Variants in CSMD1 observed in about 807,000 individuals in gnomAD.
The protein encoded by CSMD1 is CUB and Sushi multiple domains 1, also known as CUB and sushi domain-containing protein 1.
Under a neutral mutation model 417.5 loss-of-function variants are expected in CSMD1, and 213 were observed. The observed-to-expected ratio is 0.51, with a 90% CI of 0.46 to 0.57. The LOEUF is 0.57. Ranked by LOEUF, CSMD1 falls within the 20% of genes least tolerant of loss-of-function variation. The pLI is 0.00. For missense variants in CSMD1, 6,923 were observed against 4,529.7 expected (o/e 1.53, Z -15.17); for synonymous variants, 2,862 against 1,736.8 (o/e 1.65, Z -16.11).
At chr8:4,508,612 G>A (rs1265450722) in intron 2 of CSMD1, among the ~76,000 whole-genome samples, 2 of 152,070 alleles carry the variant, frequency 1.3e-5, no homozygotes, top group African/African-American at 4.8e-5. Context: ...AAATGAGTCA[G>A]GAGATTGGAA....
At chr8:3,714,650 T>G (rs147789686) in intron 6 of CSMD1, among the ~76,000 whole-genome samples, 3 of 150,674 alleles carry the variant, frequency 2.0e-5, no homozygotes, top group Admixed American at 2.0e-4. Flanking sequence ...GGAACTAGAA[T>G]TGCTTGAACC....
intron 1 of CSMD1, among the ~76,000 whole-genome samples, chr8:4,639,205 C>T (rs1439773763): frequency 6.6e-6 from 1 of 151,762 alleles, no homozygotes; most frequent in African/African-American, 2.4e-5. Flanking sequence ...TTACTTCCCA[C>T]ATACAAGCTC....
At chr8:4,664,527 T>A (rs747188859) in intron 1 of CSMD1, among the ~76,000 whole-genome samples, 1 of 152,072 alleles carries the variant, frequency 6.6e-6, no homozygotes, top group Non-Finnish European at 1.5e-5. Context: ...TACCACTGCA[T>A]TCCACCCTCG....
chr8:4,159,067 C>T (rs143910172), intron 3 of CSMD1, among the ~76,000 whole-genome samples: 1 of 152,206 alleles, frequency 6.6e-6, no homozygotes, highest in African/African-American at 2.4e-5. Flanking sequence ...AGGCTTGCAC[C>T]ACCAGGCCCA....
chr8:2,970,805 AT>A (rs899951136), intron 57 of CSMD1, among the ~76,000 whole-genome samples: 1 of 152,196 alleles, frequency 6.6e-6, no homozygotes, highest in African/African-American at 2.4e-5. Flanking sequence ...GTTAAATGGG[AT>A]TTGACAGAAA....
intron 3 of CSMD1, among the ~76,000 whole-genome samples, chr8:4,038,136 G>C (rs1465231032): frequency 6.6e-6 from 1 of 152,092 alleles, no homozygotes; most frequent in Admixed American, 6.5e-5. Flanking sequence ...TAAAGTCACT[G>C]ATTGGTGACA....
intron 1 of CSMD1, among the ~76,000 whole-genome samples, chr8:4,764,872 C>CAAAAAAAAAAAA (rs1194894751): frequency 2.0e-5 from 1 of 50,936 alleles, no homozygotes. Context: ...GACTCCATCT[C>CAAAAAAAAAAAA]AAAAAAAAAA....
intron 1 of CSMD1, among the ~76,000 whole-genome samples, chr8:4,750,092 G>A (rs1026561911): frequency 2.0e-5 from 3 of 152,034 alleles, no homozygotes; most frequent in African/African-American, 4.8e-5. Flanking sequence ...CGCAAGCTCC[G>A]CCTCCCGGGT....
At chr8:3,831,552 A>G (rs1802377728) in intron 5 of CSMD1, among the ~76,000 whole-genome samples, 2 of 152,162 alleles carry the variant, frequency 1.3e-5, no homozygotes. Context: ...TTGTTTTCAT[A>G]TGCCTCTGTG....
At position 3,814,163 on chromosome 8, in the gene CSMD1, G is replaced by A. The variant is rs377681590; in HGVS notation, c.819-60121C>T. 5.3e-5 allele frequency among the ~76,000 whole-genome samples: 8 copies of A among 152,300 alleles called. No homozygotes were observed. The East Asian group carries it at 5.8e-4, about 11-fold the overall frequency. On this transcript the variant is annotated intron_variant, in intron 5 of 69. Transcript: ENST00000635120. ...AGCCCCAGATTCTGGTACCCCCAGC[G>A]TGGAAGTCAAGATGCAAACTGCAAG...
chr8:4,353,491 T>G lies in CSMD1; in HGVS notation c.415+66462A>C, dbSNP rs34317801. Among the ~76,000 whole-genome samples the G allele has an allele frequency of 4.6e-5, 7 of 151,906 alleles. No individual in the cohort carries two copies. In the South Asian group the frequency reaches 1.0e-3, roughly 23 times the overall value. ...AGAATAATACATTCTTTAATTAAAATTGGTCAAATGAATCCACTGCATATG... is the reference window on the plus strand; with the variant it reads ...AGAATAATACATTCTTTAATTAAAAGTGGTCAAATGAATCCACTGCATATG... On this transcript the variant is annotated intron_variant, in intron 3 of 69. Transcript: ENST00000635120.
At chr8:4,960,008 G>T (rs1350113438) in intron 1 of CSMD1, among the ~76,000 whole-genome samples, 1 of 152,042 alleles carries the variant, frequency 6.6e-6, no homozygotes, top group Admixed American at 6.6e-5. Context: ...TGCTCACTAG[G>T]ATGCAATTTC....
chr8:3,769,997 T>C (rs1374636665), intron 5 of CSMD1, among the ~76,000 whole-genome samples: 2 of 152,210 alleles, frequency 1.3e-5, no homozygotes, highest in Non-Finnish European at 2.9e-5. Flanking sequence ...GTGACCTGCC[T>C]TTTTCTTCCT....
intron 3 of CSMD1, among the ~76,000 whole-genome samples, chr8:4,410,169 G>C (rs912398996): frequency 4.6e-5 from 7 of 152,154 alleles, no homozygotes; most frequent in South Asian, 2.1e-4. Context: ...CAAATGGAAG[G>C]AGAAATTAAA....
At chr8:4,918,313 CAA>C (rs1394131141) in intron 1 of CSMD1, among the ~76,000 whole-genome samples, 13 of 152,182 alleles carry the variant, frequency 8.5e-5, no homozygotes, top group Admixed American at 2.0e-4. Flanking sequence ...TCGAAAATCA[CAA>C]AGTGTATTGC....
intron 14 of CSMD1, among the ~76,000 whole-genome samples, chr8:3,406,956 C>G (rs1812379163): frequency 1.3e-5 from 2 of 152,120 alleles, no homozygotes; most frequent in Admixed American, 6.6e-5. Flanking sequence ...TTTTACTACA[C>G]TACTTTGTTG....
intron 5 of CSMD1, among the ~76,000 whole-genome samples, chr8:3,859,028 G>T (rs1804508789): frequency 2.0e-5 from 3 of 152,126 alleles, no homozygotes; most frequent in Non-Finnish European, 4.4e-5. Flanking sequence ...TTCCCTAAAA[G>T]ACCTTATTAT....
At chr8:4,264,274 A>G (rs1474149146) in intron 3 of CSMD1, among the ~76,000 whole-genome samples, 2 of 152,232 alleles carry the variant, frequency 1.3e-5, no homozygotes, top group African/African-American at 2.4e-5. Flanking sequence ...AAACATTGCT[A>G]TAGTAACACA....
Position 4,173,951 on chromosome 8 carries a change from C to G in CSMD1, c.416-141852G>C, listed in dbSNP as rs75297317. Among the ~76,000 whole-genome samples, 1,045 of 152,070 alleles carry G rather than the reference C, an allele frequency of 6.9e-3. 12 individuals are homozygous for G. Among genetic ancestry groups the G allele is most frequent in the African/African-American group, 0.024 (985 of 41,442 alleles). ...CTAGCTTCTTCCCTCAGCCTTGAAA[C>G]AAAAACAAAAAACTTTCTCCTGACT... On this transcript the variant is annotated intron_variant, in intron 3 of 69. Coordinates refer to ENST00000635120, the MANE Select transcript of CSMD1 (RefSeq NM_033225.6).
Sources: gnomAD v4.1 joint callset for allele counts (sites outside exome capture counted in the v4.1 genomes callset) on GRCh38, gnomAD v4.1.1 for gene constraint, MANE v1.5 for transcripts, NCBI Gene and HGNC (gene_info 2026-07-23, HGNC 2026-07-21) for gene names.